The following CACNA1S variants were observed in gnomAD, a reference collection of about 807,000 sequenced individuals.
The protein encoded by CACNA1S is voltage-dependent L-type calcium channel subunit alpha-1S.
Under a neutral mutation model 207.4 loss-of-function variants are expected in CACNA1S, and 126 were observed. The observed-to-expected ratio is 0.61, with a 90% CI of 0.53 to 0.70. The LOEUF is 0.70. Among genes scored for constraint, CACNA1S ranks in the 30% least tolerant of loss-of-function variants. The pLI, the probability that CACNA1S is intolerant of heterozygous loss-of-function variation, is 0.00. For missense variants in CACNA1S, 2,349 were observed against 2,422.8 expected (o/e 0.97, Z 0.64); for synonymous variants, 960 against 932.7 (o/e 1.03, Z -0.53).
At chr1:201,097,727 G>A (rs908207673) in intron 2 of CACNA1S, among the ~76,000 whole-genome samples, 11 of 152,166 alleles carry the variant, frequency 7.2e-5, no homozygotes, top group African/African-American at 2.7e-4. Context: ...TTTGGGCTTG[G>A]GGGCCAGGGT....
chr1:201,041,406 C>A, intron 41 of CACNA1S, 98 bp downstream of exon 41: 2 of 909,316 alleles, frequency 2.2e-6, no homozygotes, highest in Admixed American at 2.0e-5. Flanking sequence ...CCAAGCCAGC[C>A]CTCCCAGCCA....
At chr1:201,040,456 C>T (rs1310644937) in intron 42 of CACNA1S, 82 bp from the exon 43 acceptor site, 1 of 1,552,086 alleles carries the variant, frequency 6.4e-7, no homozygotes, top group Admixed American at 1.7e-5. Flanking sequence ...CATCTGAGGG[C>T]AACTCAACCA....
At chr1:201,107,995 T>C (rs763913207) in intron 2 of CACNA1S, among the ~76,000 whole-genome samples, 20 of 152,252 alleles carry the variant, frequency 1.3e-4, no homozygotes, top group Non-Finnish European at 2.4e-4. Flanking sequence ...AACCCAAGGT[T>C]TTGCAACTCC....
chr1:201,083,395 A>T, intron 9 of CACNA1S, 73 bp from the exon 10 acceptor site: 1 of 1,530,038 alleles, frequency 6.5e-7, no homozygotes, highest in Non-Finnish European at 9.1e-7. Context: ...CTACCTTCAG[A>T]CAAACTCCAG....
At chr1:201,051,668 C>T (rs1456034369) in intron 32 of CACNA1S, among the ~76,000 whole-genome samples, 1 of 152,230 alleles carries the variant, frequency 6.6e-6, no homozygotes, top group East Asian at 1.9e-4. Context: ...ACTGCTACAA[C>T]CTGCTCTGTA....
chr1:201,085,092 G>C, intron 8 of CACNA1S, 61 bp from the exon 9 acceptor site: 1 of 1,176,458 alleles, frequency 8.5e-7, no homozygotes. Flanking sequence ...GGACACACCT[G>C]GACTGGGCAC....
chr1:201,069,366 A>T lies in CACNA1S; in HGVS notation c.2490+106T>A, dbSNP rs1023164063. On this transcript the variant is annotated intron_variant, in intron 18 of 43. Transcript: ENST00000362061. ...TCCCTGAGGAACTGAACTCTAAGAA[A>T]CTCTGATGCTTGTAGCCACATAGAG... 3.3e-6 allele frequency: 5 copies of T among 1,531,726 alleles called. No homozygotes were observed. In the African/African-American group the frequency reaches 6.8e-5, roughly 21 times the overall value. 94.9% of individuals were successfully genotyped at this position (1,531,726 alleles called of 1,614,324 possible). A position where few individuals can be genotyped will look rare whatever the true frequency, so the allele number is the denominator to read the frequency against.
Position 201,091,723 on chromosome 1 carries a change from A to T in CACNA1S, c.611T>A (p.Leu204His). The T allele has an allele frequency of 6.2e-7, 1 of 1,614,120 alleles. No individual in the cohort carries two copies. Among genetic ancestry groups the T allele is most frequent in the Non-Finnish European group, 8.5e-7 (1 of 1,179,946 alleles). ...GATGGCATAGATGATGACCATAAAG[A>T]GGACCAGCAGGGCGATGTGAAAGAG... is the stretch of plus-strand genomic sequence containing the variant. ...LPLFHIALLV[L>H]FMVIIYAIIG... Residue 204 changes from leucine (L) to histidine (H), a missense_variant, in exon 5 of 44, where the codon CTC becomes CAC. By Grantham distance (99) the Leu-to-His change is moderately conservative. Transcript: ENST00000362061.
intron 22 of CACNA1S, among the ~76,000 whole-genome samples, chr1:201,063,723 C>A (rs1292953599): frequency 1.3e-5 from 2 of 152,196 alleles, no homozygotes; most frequent in Non-Finnish European, 2.9e-5. Context: ...TGGCCCTTGC[C>A]CCCCGCTGCC....
intron 15 of CACNA1S, 25 bp from the exon 16 acceptor site, chr1:201,072,849 T>C (rs765247652): frequency 1.6e-5 from 25 of 1,596,708 alleles, no homozygotes; most frequent in Non-Finnish European, 2.1e-5. Context: ...ACAATGACTA[T>C]AACAATGAAA....
At chr1:201,069,448 G>A in intron 18 of CACNA1S, 24 bp downstream of exon 18, 2 of 1,605,982 alleles carry the variant, frequency 1.2e-6, no homozygotes, top group Non-Finnish European at 1.7e-6. Context: ...GGTGCTGAGT[G>A]GCAGAGAGGG....
chr1:201,061,783 G>A (rs996775121), intron 24 of CACNA1S, among the ~76,000 whole-genome samples, 161 bp downstream of exon 24: 2 of 152,210 alleles, frequency 1.3e-5, no homozygotes, highest in African/African-American at 2.4e-5. Context: ...CTACTTTGGA[G>A]TGACCAGTCA....
chr1:201,072,335 C>T (rs147981228), intron 16 of CACNA1S, among the ~76,000 whole-genome samples: 26 of 152,262 alleles, frequency 1.7e-4, no homozygotes, highest in East Asian at 5.8e-4. Context: ...TGTATCCTTC[C>T]GGCCCCCAGC....
At chr1:201,052,855 G>C (rs1660702928) in intron 31 of CACNA1S, among the ~76,000 whole-genome samples, 1 of 152,074 alleles carries the variant, frequency 6.6e-6, no homozygotes, top group African/African-American at 2.4e-5. Context: ...CCAAAGAAAA[G>C]AGGGAGGGTA....
intron 4 of CACNA1S, 68 bp downstream of exon 4, chr1:201,091,904 C>T (rs1010257272): frequency 2.9e-5 from 46 of 1,608,892 alleles, no homozygotes; most frequent in African/African-American, 5.4e-5. Context: ...GGAAGGGGAC[C>T]CAGAACTGGG....
intron 19 of CACNA1S, 68 bp downstream of exon 19, chr1:201,069,069 A>C: frequency 1.5e-6 from 2 of 1,353,700 alleles, no homozygotes; most frequent in Non-Finnish European, 2.1e-6. Context: ...CCCTGAGTTC[A>C]GTGTGTGTAA....
At chr1:201,085,655 G>A in intron 7 of CACNA1S, 74 bp from the exon 8 acceptor site, 1 of 1,564,638 alleles carries the variant, frequency 6.4e-7, no homozygotes, top group African/African-American at 1.4e-5. Context: ...GCTTCCTGAG[G>A]ACAGACAAGC....
chr1:201,087,221 A>T (rs536251179), intron 7 of CACNA1S, among the ~76,000 whole-genome samples: 2 of 152,322 alleles, frequency 1.3e-5, no homozygotes, highest in South Asian at 4.1e-4. Context: ...TAACTTATTT[A>T]ATCCTGACAA....
chr1:201,041,406 C>G lies in CACNA1S; in HGVS notation c.5134+98G>C. On this transcript the variant is annotated intron_variant, in intron 41 of 43. Transcript: ENST00000362061. ...CATTGTAACAGGCTCCCAAGCCAGC[C>G]CTCCCAGCCAAGTTCCCAGACTCTA... is the stretch of plus-strand genomic sequence containing the variant. 3.3e-6 allele frequency: 3 copies of G among 909,316 alleles called. No homozygotes were observed. The South Asian group carries it at 4.2e-5, about 13-fold the overall frequency. The allele number at this position is 909,316 out of a possible 1,614,324, so 56.3% of individuals were successfully genotyped here.
Sources: gnomAD v4.1 joint callset for allele counts (sites outside exome capture counted in the v4.1 genomes callset) on GRCh38, gnomAD v4.1.1 for gene constraint, MANE v1.5 for transcripts, NCBI Gene and HGNC (gene_info 2026-07-23, HGNC 2026-07-21) for gene names.